TMEM134: variants seen among roughly 807,000 people sequenced by gnomAD.
TMEM134 encodes the protein transmembrane protein 134.
Under a neutral mutation model 26.2 loss-of-function variants are expected in TMEM134, and 36 were observed. That is an observed-to-expected ratio of 1.37 (90% confidence interval 1.05 to 1.81). The LOEUF (loss-of-function observed/expected upper bound fraction) is 1.81, where lower values mean the gene tolerates loss of function less well. TMEM134 is among the 40% of genes most tolerant of loss of function. TMEM134 has a pLI of 0.00. For missense variants in TMEM134, 339 were observed against 263.5 expected (o/e 1.29, Z -1.98); for synonymous variants, 133 against 113.6 (o/e 1.17, Z -1.08).
intron 5 of TMEM134, 58 bp downstream of exon 5, chr11:67,464,998 G>A (rs893628450): frequency 9.4e-6 from 14 of 1,490,114 alleles, no homozygotes; most frequent in Admixed American, 1.9e-5. Flanking sequence ...GCTTGCCGTG[G>A]ACCCGTGGAC....
chr11:67,464,506 G>T lies in TMEM134; in HGVS notation c.*108C>A. ...GAACTTCCTGAGCAAACTCCCTAGG[G>T]GCTGGGGTTTCGAGGGTCCTGGAGG... On this transcript the variant is annotated 3_prime_UTR_variant, in exon 7 of 7. Coordinates refer to ENST00000308022, the MANE Select transcript of TMEM134 (RefSeq NM_025124.4). 1 of 1,200,026 alleles carries T rather than the reference G, an allele frequency of 8.3e-7. No individual in the cohort carries two copies. The highest frequency in any genetic ancestry group is 1.2e-6 in the Non-Finnish European group (1 of 833,118). 74.3% of individuals were successfully genotyped at this position (1,200,026 alleles called of 1,614,324 possible). A position where few individuals can be genotyped will look rare whatever the true frequency, so the allele number is the denominator to read the frequency against.
At chr11:67,468,547 ATG>A (rs1865430454) in intron 1 of TMEM134, among the ~76,000 whole-genome samples, 1 of 152,222 alleles carries the variant, frequency 6.6e-6, no homozygotes, top group African/African-American at 2.4e-5. Context: ...AGGACTGGTC[ATG>A]TGAGAGGAGC....
Position 67,464,253 on chromosome 11 carries a change from C to T in TMEM134, c.*361G>A. 2.7e-6 allele frequency: 1 copy of T among 368,070 alleles called. No individual in the cohort carries two copies. The highest frequency in any genetic ancestry group is 5.1e-6 in the Non-Finnish European group (1 of 196,964). The allele number at this position is 368,070 out of a possible 1,614,324, so 22.8% of individuals were successfully genotyped here. A position where few individuals can be genotyped will look rare whatever the true frequency, so the allele number is the denominator to read the frequency against. ...CAGGGCTGCCACGCGTTCGGTGGTGCTCGAAGCCCTTCAGCGTCAGGGTCA... is the reference window on the plus strand; with the variant it reads ...CAGGGCTGCCACGCGTTCGGTGGTGTTCGAAGCCCTTCAGCGTCAGGGTCA... On this transcript the variant is annotated 3_prime_UTR_variant, in exon 7 of 7. Coordinates refer to ENST00000308022, the MANE Select transcript of TMEM134 (RefSeq NM_025124.4).
At chr11:67,467,855 G>T in intron 2 of TMEM134, 173 bp downstream of exon 2, 1 of 692,558 alleles carries the variant, frequency 1.4e-6, no homozygotes. Context: ...CTGGGCACTA[G>T]GGTAGGGTGA....
At chr11:67,468,741 G>C (rs1330893273) in intron 1 of TMEM134, among the ~76,000 whole-genome samples, 1 of 152,232 alleles carries the variant, frequency 6.6e-6, no homozygotes. Context: ...GAGTAGCCAG[G>C]ATGAGTGGGG....
At chr11:67,468,229 C>T (rs188177835) in intron 1 of TMEM134, 137 bp from the exon 2 acceptor site, 30 of 763,616 alleles carry the variant, frequency 3.9e-5, no homozygotes, top group East Asian at 3.2e-4. Flanking sequence ...CTGCCCTCCC[C>T]GCAGAACGGG....
In TMEM134 at chr11:67,469,155, G is replaced by T; in HGVS notation, c.38C>A (p.Ala13Asp). 1 of 1,462,498 alleles carries T rather than the reference G, an allele frequency of 6.8e-7. No homozygotes were observed. The highest frequency in any genetic ancestry group is 9.1e-7 in the Non-Finnish European group (1 of 1,102,678). The allele number at this position is 1,462,498 out of a possible 1,614,324, so 90.6% of individuals were successfully genotyped here. A position where few individuals can be genotyped will look rare whatever the true frequency, so the allele number is the denominator to read the frequency against. ...AARPQFSIDD[A>D]FELSLEDGGP... Reference sequence around the variant, plus strand: ...CCCGTCCTCCAGGGACAGCTCGAAGGCATCATCAATGCTGAACTGGGGCCG... The same window carrying T: ...CCCGTCCTCCAGGGACAGCTCGAAGTCATCATCAATGCTGAACTGGGGCCG... Residue 13 changes from alanine to aspartate, a missense_variant, in exon 1 of 7, where the codon GCC becomes GAC. Ala to Asp is a moderately radical substitution (Grantham distance 126). Coordinates refer to ENST00000308022, the MANE Select transcript of TMEM134 (RefSeq NM_025124.4).
In TMEM134 at chr11:67,469,237, C is replaced by A; in HGVS notation, c.-45G>T. ...GCCGTGCGCCGCCGCCATCTGCGCC[C>A]ACACACCCAGCGTCGCCGCTGCCCC... On this transcript the variant is annotated 5_prime_UTR_variant, in exon 1 of 7. Transcript: ENST00000308022. The A allele has an allele frequency of 1.6e-6, 2 of 1,244,396 alleles. No individual in the cohort carries two copies. The highest frequency in any genetic ancestry group is 2.0e-6 in the Non-Finnish European group (2 of 991,826). The allele number at this position is 1,244,396 out of a possible 1,614,324, so 77.1% of individuals were successfully genotyped here.
chr11:67,467,182 G>T lies in TMEM134; in HGVS notation c.406+130C>A, dbSNP rs142482849. ...CTCCTCACCTGTAAAATGGGAGTGT[G>T]ATGATGGCAGCCAGCTGCCTCCTCA... On this transcript the variant is annotated intron_variant, in intron 4 of 6. Transcript: ENST00000308022. 27 of 809,948 alleles carry T rather than the reference G, an allele frequency of 3.3e-5. No homozygotes were observed. The African/African-American group carries it at 4.4e-4, about 13-fold the overall frequency. The allele number at this position is 809,948 out of a possible 1,614,324, so 50.2% of individuals were successfully genotyped here.
At chr11:67,467,967 G>C in intron 2 of TMEM134, 61 bp downstream of exon 2, 1 of 1,470,542 alleles carries the variant, frequency 6.8e-7, no homozygotes, top group South Asian at 1.2e-5. Context: ...TGACTGAGCA[G>C]GGTCCCTGGG....
chr11:67,468,993 G>T, intron 1 of TMEM134, 26 bp downstream of exon 1: 3 of 1,459,844 alleles, frequency 2.1e-6, no homozygotes, highest in Non-Finnish European at 2.7e-6. Context: ...CCGGGGGCAG[G>T]GGGTTAGGTG....
rs1591011413 is a variant in TMEM134 at position 67,464,282 on chromosome 11, C to T, written c.*332G>A. 1.2e-5 allele frequency: 5 copies of T among 432,814 alleles called. No individual in the cohort carries two copies. The East Asian group carries it at 2.5e-4, about 21-fold the overall frequency. The allele number at this position is 432,814 out of a possible 1,614,324, so 26.8% of individuals were successfully genotyped here. ...AAGCCCTTCAGCGTCAGGGTCAGTCCTTGGGAGGGGGGCTGTGGTCAGGCT... is the reference window on the plus strand; with the variant it reads ...AAGCCCTTCAGCGTCAGGGTCAGTCTTTGGGAGGGGGGCTGTGGTCAGGCT... On this transcript the variant is annotated 3_prime_UTR_variant, in exon 7 of 7. Transcript: ENST00000308022.
At position 67,463,169 on chromosome 11, in the gene TMEM134, G is replaced by C. The variant is rs1865068411; in HGVS notation, c.*1445C>G. 1 of 152,224 alleles carries C rather than the reference G, an allele frequency of 6.6e-6. No individual in the cohort carries two copies. The highest frequency in any genetic ancestry group is 6.5e-5 in the Admixed American group (1 of 15,274). 9.4% of individuals were successfully genotyped at this position (152,224 alleles called of 1,614,324 possible). ...GCGGGGCCTGGAAAGGTGGGAGCGA[G>C]AGCAAGAGTCTGGGTGTCCATTCCT... On this transcript the variant is annotated 3_prime_UTR_variant, in exon 7 of 7. Transcript: ENST00000308022.
rs528387126 is a variant in TMEM134, at chr11:67,462,403, G to T, written c.*2211C>A. On this transcript the variant is annotated 3_prime_UTR_variant, in exon 7 of 7. Transcript: ENST00000308022. ...GAGTCTCGCTCTGTCGCTCAGGCTG[G>T]AGTGTAGTGGCGTGATCTCGGCTCA... 3 of 150,878 alleles carry T rather than the reference G, an allele frequency of 2.0e-5. No homozygotes were observed. The highest frequency in any genetic ancestry group is 2.1e-4 in the South Asian group (1 of 4,756). The allele number at this position is 150,878 out of a possible 1,614,324, so 9.3% of individuals were successfully genotyped here.
At position 67,469,215 on chromosome 11, in the gene TMEM134, G is replaced by T. The variant is rs745744897; in HGVS notation, c.-23C>A. The stretch of plus-strand genomic sequence containing the variant: ...CATGGCCCCGGCCCGCTCAGGCGCC[G>T]TGCGCCGCCGCCATCTGCGCCCACA... On this transcript the variant is annotated 5_prime_UTR_variant, in exon 1 of 7. Coordinates refer to ENST00000308022, the MANE Select transcript of TMEM134 (RefSeq NM_025124.4). 1.6e-6 allele frequency: 2 copies of T among 1,258,786 alleles called. No homozygotes were observed. The highest frequency in any genetic ancestry group is 2.0e-6 in the Non-Finnish European group (2 of 998,928). The allele number at this position is 1,258,786 out of a possible 1,614,324, so 78.0% of individuals were successfully genotyped here.
In TMEM134 at chr11:67,469,086, A is replaced by G; in HGVS notation, c.107T>C (p.Leu36Pro). 6.6e-7 allele frequency: 1 copy of G among 1,511,656 alleles called. No individual in the cohort carries two copies. The highest frequency in any genetic ancestry group is 8.8e-7 in the Non-Finnish European group (1 of 1,130,148). 93.6% of individuals were successfully genotyped at this position (1,511,656 alleles called of 1,614,324 possible). The change falls in exon 1 of 7, where the codon CTG becomes CCG. Residue 36 changes from leucine to proline, a missense_variant. By Grantham distance (98) the Leu-to-Pro change is moderately conservative (BLOSUM62 -3). Coordinates refer to ENST00000308022, the MANE Select transcript of TMEM134 (RefSeq NM_025124.4). Reference sequence around the variant, plus strand: ...GAACCGGGCCCGACGCTCGAAGTGCAGCGGCCCAAAGCGCGCGACCCCGCT... The same window carrying G: ...GAACCGGGCCCGACGCTCGAAGTGCGGCGGCCCAAAGCGCGCGACCCCGCT... ...ESSGVARFGP[L>P]HFERRARFEV...
At chr11:67,465,025 C>CCTTGTGGGGGCGGGAGGG in intron 5 of TMEM134, 31 bp downstream of exon 5, 1 of 1,537,962 alleles carries the variant, frequency 6.5e-7, no homozygotes. Flanking sequence ...CAGGGGTGTC[C>CCTTGTGGGGGCGGGAGGG]TCTGCCTGTG....
At chr11:67,465,498 G>A (rs1019124352) in intron 4 of TMEM134, among the ~76,000 whole-genome samples, 1 of 151,588 alleles carries the variant, frequency 6.6e-6, no homozygotes, top group African/African-American at 2.4e-5. Flanking sequence ...GGGCAGTGCA[G>A]GAGTCCTGGG....
chr11:67,465,176 C>T, intron 4 of TMEM134, 76 bp from the exon 5 acceptor site: 1 of 1,534,988 alleles, frequency 6.5e-7, no homozygotes, highest in Non-Finnish European at 8.7e-7. Context: ...CAGCCCGGCT[C>T]ACCCACCACC....
Sources: gnomAD v4.1 joint callset for allele counts (sites outside exome capture counted in the v4.1 genomes callset) on GRCh38, gnomAD v4.1.1 for gene constraint, MANE v1.5 for transcripts, NCBI Gene and HGNC (gene_info 2026-07-23, HGNC 2026-07-21) for gene names.